ELAPOR2: variants seen among roughly 807,000 people sequenced by gnomAD.
The protein encoded by ELAPOR2 is endosome/lysosome-associated apoptosis and autophagy regulator family member 2.
ELAPOR2 carries 89 observed loss-of-function variants against 120.7 expected under a neutral mutation model. The observed-to-expected ratio is 0.74, with a 90% CI of 0.62 to 0.88. ELAPOR2 has a LOEUF of 0.88. ELAPOR2 is among the 40% of genes least tolerant of loss of function. The pLI is 0.00. For missense variants in ELAPOR2, 1,134 were observed against 1,251.6 expected (o/e 0.91, Z 1.42); for synonymous variants, 444 against 444.9 (o/e 1.00, Z 0.03).
chr7:86,905,260 T>C (rs574982766), intron 18 of ELAPOR2, among the ~76,000 whole-genome samples: 62 of 143,126 alleles, frequency 4.3e-4, no homozygotes, highest in African/African-American at 1.6e-3. Flanking sequence ...CCTGAGAAAC[T>C]GGGCTATGTT....
rs1794770449 is a variant in ELAPOR2, at chr7:87,041,073, A to C, written c.189+18252T>G. 2.0e-5 allele frequency among the ~76,000 whole-genome samples: 3 copies of C among 152,290 alleles called. No individual in the cohort carries two copies. The South Asian group carries it at 6.2e-4, about 32-fold the overall frequency. On this transcript the variant is annotated intron_variant, in intron 1 of 21. Coordinates refer to ENST00000450689, the MANE Select transcript of ELAPOR2 (RefSeq NM_001142749.3). ...AGGGAAGTTTAGAGAAAAAAGAATA[A>C]AAAGAAATGAGCAAAGCCTCCAAGA...
chr7:86,940,097 T>C lies in ELAPOR2; in HGVS notation c.760A>G (p.Thr254Ala). The C allele has an allele frequency of 1.9e-6, 3 of 1,611,506 alleles. No individual in the cohort carries two copies. The highest frequency in any genetic ancestry group is 2.5e-6 in the Non-Finnish European group (3 of 1,178,286). ...GTAGTTCTCCAGTAGAGTATGTTTG[T>C]GCCTGATTTCAGCATTACCTATAAA... ...GSHSVMLKSG[T>A]NILYWRTTGI... Residue 254 changes from threonine to alanine, a missense_variant, in exon 6 of 22, where the codon ACA (threonine) becomes GCA (alanine). Physicochemically the swap from Thr to Ala is moderately conservative, Grantham distance 58. Coordinates refer to ENST00000450689, the MANE Select transcript of ELAPOR2 (RefSeq NM_001142749.3).
Position 86,877,844 on chromosome 7 carries a change from GGATGT to G in ELAPOR2, c.*2622_*2626del, listed in dbSNP as rs1253190462. ...TATGAAATATTTTTAATCCTAGAAA[GGATGT>G]GATTACTAGTAACTAAAGAGGGGAA... On this transcript the variant is annotated 3_prime_UTR_variant, in exon 22 of 22. Coordinates refer to ENST00000450689, the MANE Select transcript of ELAPOR2 (RefSeq NM_001142749.3). 2.0e-5 allele frequency: 3 copies of G among 152,170 alleles called. No homozygotes were observed. The highest frequency in any genetic ancestry group is 7.2e-5 in the African/African-American group (3 of 41,444). 9.4% of individuals were successfully genotyped at this position (152,170 alleles called of 1,614,324 possible).
At chr7:86,990,079 C>T (rs1299940365) in intron 1 of ELAPOR2, among the ~76,000 whole-genome samples, 2 of 151,728 alleles carry the variant, frequency 1.3e-5, no homozygotes, top group African/African-American at 2.4e-5. Context: ...CAGAGTCTTG[C>T]TCTGTCCCCC....
intron 8 of ELAPOR2, among the ~76,000 whole-genome samples, chr7:86,937,306 T>G (rs980738709): frequency 6.6e-6 from 1 of 152,098 alleles, no homozygotes; most frequent in Non-Finnish European, 1.5e-5. Flanking sequence ...TAGATTAGAA[T>G]CTAGGGATGC....
intron 1 of ELAPOR2, among the ~76,000 whole-genome samples, chr7:86,993,244 A>AAAAAAAAAG (rs1447816686): frequency 1.8e-4 from 27 of 150,144 alleles, no homozygotes; most frequent in South Asian, 1.3e-3. Flanking sequence ...CAAAAAAAAA[A>AAAAAAAAAG]AAAAAAGAAA....
At chr7:86,900,925 A>T (rs752398340) in intron 18 of ELAPOR2, among the ~76,000 whole-genome samples, 4 of 152,208 alleles carry the variant, frequency 2.6e-5, no homozygotes, top group Admixed American at 1.3e-4. Context: ...TTTATTGCCA[A>T]GTACTTGAAA....
chr7:86,973,572 A>C (rs1409033909), intron 1 of ELAPOR2, among the ~76,000 whole-genome samples: 3 of 152,120 alleles, frequency 2.0e-5, no homozygotes, highest in African/African-American at 7.2e-5. Context: ...GGTCTGCTTC[A>C]CATACAAAAG....
At chr7:86,890,307 A>C (rs866557801) in intron 21 of ELAPOR2, among the ~76,000 whole-genome samples, 1 of 151,914 alleles carries the variant, frequency 6.6e-6, no homozygotes. Flanking sequence ...TCCTGAGCAA[A>C]GGGTAGGCTT....
intron 1 of ELAPOR2, among the ~76,000 whole-genome samples, chr7:87,022,349 C>G (rs1005325603): frequency 1.3e-5 from 2 of 150,618 alleles, no homozygotes; most frequent in African/African-American, 2.4e-5. Context: ...ATTGTCCTTG[C>G]GATAGTTTGC....
Position 86,878,769 on chromosome 7 carries a change from G to A in ELAPOR2, c.*1702C>T, listed in dbSNP as rs1482785743. On this transcript the variant is annotated 3_prime_UTR_variant, in exon 22 of 22. Transcript: ENST00000450689. ...TGCCAACATAATGTCTTCTTTATAA[G>A]AACATTCAAGAAATTAAATGCAAAA... 2 of 152,102 alleles carry A rather than the reference G, an allele frequency of 1.3e-5. No homozygotes were observed. The highest frequency in any genetic ancestry group is 2.9e-5 in the Non-Finnish European group (2 of 68,008). The allele number at this position is 152,102 out of a possible 1,614,324, so 9.4% of individuals were successfully genotyped here. A position where few individuals can be genotyped will look rare whatever the true frequency, so the allele number is the denominator to read the frequency against.
chr7:86,932,218 C>G (rs971893352), intron 8 of ELAPOR2, among the ~76,000 whole-genome samples: 1 of 151,838 alleles, frequency 6.6e-6, no homozygotes, highest in East Asian at 1.9e-4. Flanking sequence ...AAGGGCTTGC[C>G]TGAGAAGGAA....
intron 7 of ELAPOR2, 35 bp from the exon 8 acceptor site, chr7:86,938,249 A>G: frequency 6.7e-7 from 1 of 1,485,078 alleles, no homozygotes; most frequent in Non-Finnish European, 9.2e-7. Flanking sequence ...GAAATGGGTC[A>G]ATTATTTTGC....
intron 7 of ELAPOR2, 97 bp downstream of exon 7, chr7:86,938,711 A>C (rs11978410): frequency 7.9e-6 from 10 of 1,271,004 alleles, no homozygotes; most frequent in Non-Finnish European, 1.1e-5. Flanking sequence ...TTCAGGCACC[A>C]CTGCTGTCAT....
chr7:86,945,576 T>G (rs1270356118), intron 3 of ELAPOR2, among the ~76,000 whole-genome samples: 5 of 152,220 alleles, frequency 3.3e-5, no homozygotes, highest in Admixed American at 6.5e-5. Flanking sequence ...ACTAATTATT[T>G]AAAACATAAT....
chr7:87,005,334 G>A (rs1420587090), intron 1 of ELAPOR2, among the ~76,000 whole-genome samples: 1 of 127,420 alleles, frequency 7.8e-6, no homozygotes, highest in African/African-American at 3.4e-5. Context: ...TTCCTCAATA[G>A]GGCTAAAAAA....
intron 1 of ELAPOR2, among the ~76,000 whole-genome samples, chr7:86,987,832 C>A (rs578096492): frequency 7.9e-5 from 12 of 152,058 alleles, no homozygotes; most frequent in East Asian, 7.7e-4. Flanking sequence ...TTTGACCCAG[C>A]GATCCTATTA....
intron 1 of ELAPOR2, among the ~76,000 whole-genome samples, chr7:86,987,658 C>T (rs1474310539): frequency 2.0e-5 from 3 of 151,494 alleles, no homozygotes; most frequent in Non-Finnish European, 2.9e-5. Context: ...TACCATCTCA[C>T]GCTAGTTAGA....
chr7:87,026,020 A>G lies in ELAPOR2; in HGVS notation c.189+33305T>C, dbSNP rs1052056485. ...ATTTGCTTGAATAAACCAGTCTACCAAAACACAAAATCAAGACCTACGCAT... is the reference window on the plus strand; with the variant it reads ...ATTTGCTTGAATAAACCAGTCTACCGAAACACAAAATCAAGACCTACGCAT... On this transcript the variant is annotated intron_variant, in intron 1 of 21. Coordinates refer to ENST00000450689, the MANE Select transcript of ELAPOR2 (RefSeq NM_001142749.3). Among the ~76,000 whole-genome samples, 4 of 152,186 alleles carry G rather than the reference A, an allele frequency of 2.6e-5. No individual in the cohort carries two copies. The East Asian group carries it at 7.7e-4, about 29-fold the overall frequency.
Sources: allele counts gnomAD v4.1 joint callset (sites outside exome capture counted in the v4.1 genomes callset), GRCh38; gene constraint gnomAD v4.1.1; transcripts MANE v1.5; gene names NCBI Gene and HGNC (gene_info 2026-07-23, HGNC 2026-07-21).